PRIMA1: variants seen among roughly 807,000 people sequenced by gnomAD.
PRIMA1 encodes the protein proline rich membrane anchor 1, also known as proline-rich membrane anchor 1.
Under a neutral mutation model 17.5 loss-of-function variants are expected in PRIMA1, and 7 were observed. The ratio of observed to expected loss-of-function variants is 0.40; its 90% CI spans 0.23 to 0.75. The LOEUF is 0.75. Ranked by LOEUF, PRIMA1 falls within the 30% of genes least tolerant of loss-of-function variation. The probability of loss-of-function intolerance (pLI) is 0.37; values close to 1 mark genes in which losing one functional copy is unlikely to be tolerated. For missense variants in PRIMA1, 200 were observed against 201.8 expected (o/e 0.99, Z 0.05); for synonymous variants, 97 against 77.9 (o/e 1.25, Z -1.29).
intron 3 of PRIMA1, among the ~76,000 whole-genome samples, chr14:93,747,366 G>A (rs1258625574): frequency 6.6e-6 from 1 of 152,194 alleles, no homozygotes; most frequent in Non-Finnish European, 1.5e-5. Context: ...AAGTGGTTTG[G>A]CGGGAGTGGA....
At chr14:93,728,503 G>C (rs558787477) in intron 4 of PRIMA1, among the ~76,000 whole-genome samples, 3 of 152,134 alleles carry the variant, frequency 2.0e-5, no homozygotes, top group Non-Finnish European at 4.4e-5. Context: ...CAGTGGGGCA[G>C]AAGCCAGCCC....
At chr14:93,722,556 ATGG>A (rs1202332088) in intron 4 of PRIMA1, among the ~76,000 whole-genome samples, 1 of 145,224 alleles carries the variant, frequency 6.9e-6, no homozygotes, top group Non-Finnish European at 1.5e-5. Context: ...GATGGAGGTG[ATGG>A]TGGTGTTGAA....
chr14:93,787,579 C>T, intron 2 of PRIMA1, 47 bp downstream of exon 2: 3 of 1,537,088 alleles, frequency 2.0e-6, no homozygotes, highest in Non-Finnish European at 2.6e-6. Context: ...CAGCTCGCCC[C>T]TTACCCAGGA....
chr14:93,751,269 T>G (rs1055536298), intron 3 of PRIMA1, among the ~76,000 whole-genome samples: 1 of 152,218 alleles, frequency 6.6e-6, no homozygotes, highest in Non-Finnish European at 1.5e-5. Context: ...CCTCCACCAG[T>G]AACTGACAGG....
At chr14:93,771,950 C>T (rs1165276964) in intron 3 of PRIMA1, among the ~76,000 whole-genome samples, 2 of 152,204 alleles carry the variant, frequency 1.3e-5, no homozygotes, top group African/African-American at 2.4e-5. Context: ...ACCTCCCTTC[C>T]TCTCCAGCTG....
chr14:93,759,207 C>T (rs986133808), intron 3 of PRIMA1, among the ~76,000 whole-genome samples: 1 of 152,130 alleles, frequency 6.6e-6, no homozygotes, highest in African/African-American at 2.4e-5. Flanking sequence ...CTCAGCGGGT[C>T]TCTATTGGCT....
At chr14:93,757,718 T>G (rs943269099) in intron 3 of PRIMA1, among the ~76,000 whole-genome samples, 2 of 150,310 alleles carry the variant, frequency 1.3e-5, no homozygotes, top group African/African-American at 4.9e-5. Context: ...ATAAGTTTAG[T>G]GGAAATGGGG....
At chr14:93,748,442 G>A (rs1272527273) in intron 3 of PRIMA1, among the ~76,000 whole-genome samples, 4 of 152,192 alleles carry the variant, frequency 2.6e-5, no homozygotes, top group African/African-American at 9.7e-5. Flanking sequence ...AGGGGCGATA[G>A]GGCCACCCTG....
At chr14:93,765,621 C>T (rs1156786491) in intron 3 of PRIMA1, among the ~76,000 whole-genome samples, 2 of 151,978 alleles carry the variant, frequency 1.3e-5, no homozygotes, top group Non-Finnish European at 2.9e-5. Context: ...CAGCATGGCA[C>T]CTGGGTTCCA....
At chr14:93,722,089 CTGGTGGTAATGGGGTGGTGGTGG>C (rs2076043108) in intron 4 of PRIMA1, among the ~76,000 whole-genome samples, 1 of 55,478 alleles carries the variant, frequency 1.8e-5, no homozygotes, top group Non-Finnish European at 3.7e-5. Flanking sequence ...AGTGGTGATG[CTGGTGGTAATGGGGTGGTGGTGG>C]TAGTGGTGAT....
At chr14:93,756,639 G>A (rs975990340) in intron 3 of PRIMA1, among the ~76,000 whole-genome samples, 11 of 151,774 alleles carry the variant, frequency 7.2e-5, no homozygotes, top group Admixed American at 4.6e-4. Context: ...GTACAGCATC[G>A]GCCCCAGCAC....
chr14:93,788,784 C>T (rs1000948667), upstream of PRIMA1, among the ~76,000 whole-genome samples: 9 of 151,982 alleles, frequency 5.9e-5, no homozygotes, highest in African/African-American at 2.2e-4. Flanking sequence ...GGGCTGGCCG[C>T]CGAGGCGGAG....
chr14:93,775,499 CTGT>C (rs368737443), intron 3 of PRIMA1, among the ~76,000 whole-genome samples: 57 of 152,174 alleles, frequency 3.7e-4, no homozygotes, highest in African/African-American at 1.3e-3. Flanking sequence ...TTGTTTTTTG[CTGT>C]TGTTGTTGTT....
rs577870269 is a variant in PRIMA1, at chr14:93,752,809, C to G, written c.230-15439G>C. 8.5e-4 allele frequency among the ~76,000 whole-genome samples: 130 copies of G among 152,234 alleles called. 2 individuals carry two copies. Among genetic ancestry groups the G allele is most frequent in the Admixed American group, 2.0e-4 (3 of 15,282 alleles). ...ACTGTCATCGAAGCCCTTTGGACAT[C>G]TGCAAGTCACTTCACCTCTCTGGAC... On this transcript the variant is annotated intron_variant, in intron 3 of 4. Transcript: ENST00000393140.
At chr14:93,740,793 C>T (rs1259644773) in intron 3 of PRIMA1, among the ~76,000 whole-genome samples, 5 of 152,212 alleles carry the variant, frequency 3.3e-5, no homozygotes, top group Non-Finnish European at 7.3e-5. Context: ...GAACTGGATA[C>T]TCTCACACAA....
chr14:93,758,178 G>T (rs1043111567), intron 3 of PRIMA1, among the ~76,000 whole-genome samples: 1 of 152,156 alleles, frequency 6.6e-6, no homozygotes, highest in African/African-American at 2.4e-5. Context: ...CTGCCACTAG[G>T]GAACCAACCA....
chr14:93,787,194 T>G (rs1566980783), intron 2 of PRIMA1, among the ~76,000 whole-genome samples: 1 of 152,168 alleles, frequency 6.6e-6, no homozygotes, highest in Non-Finnish European at 1.5e-5. Flanking sequence ...CATCCTCAAC[T>G]CTGATACCTA....
chr14:93,726,879 G>A lies in PRIMA1; in HGVS notation c.360-5333C>T, dbSNP rs914348127. Among the ~76,000 whole-genome samples the A allele has an allele frequency of 6.6e-6, 1 of 152,068 alleles. No individual in the cohort carries two copies. Among genetic ancestry groups the A allele is most frequent in the Non-Finnish European group, 1.5e-5 (1 of 68,010 alleles). The stretch of plus-strand genomic sequence containing the variant: ...TGCACACATACACATATGTGCACAT[G>A]CATGCACACATACATATGAATACAC... On this transcript the variant is annotated intron_variant, in intron 4 of 4. Transcript: ENST00000393140. The surrounding 1 kb of genome is among the most constrained non-coding windows in gnomAD (Gnocchi z 4.2).
chr14:93,764,095 AC>A (rs1433016985), intron 3 of PRIMA1, among the ~76,000 whole-genome samples: 1 of 150,484 alleles, frequency 6.6e-6, no homozygotes, highest in Non-Finnish European at 1.5e-5. Context: ...TCAAACTCCC[AC>A]CCTTCTAACC....
Sources: allele counts gnomAD v4.1 joint callset (sites outside exome capture counted in the v4.1 genomes callset), GRCh38; gene constraint gnomAD v4.1.1; non-coding constraint Gnocchi (gnomAD v3.1); transcripts MANE v1.5; gene names NCBI Gene and HGNC (gene_info 2026-07-23, HGNC 2026-07-21).